NIT2: variants seen among roughly 807,000 people sequenced by gnomAD.
NIT2 encodes the protein nitrilase family member 2, also known as omega-amidase NIT2.
In NIT2, 46 loss-of-function variants were observed where a neutral mutation model predicts 42.7. The observed-to-expected ratio is 1.08, with a 90% CI of 0.85 to 1.38. NIT2 has a LOEUF of 1.38. NIT2 is among the 40% of genes most tolerant of loss of function. NIT2 has a pLI of 0.00. For synonymous variants in NIT2, 123 were observed against 121.9 expected (o/e 1.01, Z -0.06); for missense variants, 309 against 342.5 (o/e 0.90, Z 0.77).
chr3:100,336,803 G>A (rs949426202), intron 1 of NIT2, among the ~76,000 whole-genome samples: 2 of 152,098 alleles, frequency 1.3e-5, no homozygotes, highest in African/African-American at 4.8e-5. Context: ...ACAGATGCCT[G>A]CCTTCCTCTT....
rs767198868 is a variant in NIT2 at position 100,341,106 on chromosome 3, A to AT, written c.282dup (p.Asn95Ter). The AT allele has an allele frequency of 5.0e-6, 8 of 1,613,692 alleles. No individual in the cohort carries two copies. The South Asian group carries it at 8.8e-5, about 18-fold the overall frequency. On this transcript the variant is annotated frameshift_variant, in exon 4 of 10. Transcript: ENST00000394140. LOFTEE classifies it high-confidence loss of function. ...CCTGAAGAGGATGCTGGGAAATTATATAACACCTGTGCTGTGTTTGGGCCT... is the reference window on the plus strand; with the variant it reads ...CCTGAAGAGGATGCTGGGAAATTATATTAACACCTGTGCTGTGTTTGGGCCT...
At chr3:100,355,154 G>A (rs1706314150) in intron 9 of NIT2, 23 bp from the exon 10 acceptor site, 2 of 1,581,942 alleles carry the variant, frequency 1.3e-6, no homozygotes, top group African/African-American at 2.7e-5. Flanking sequence ...ATTATTAATA[G>A]TGCACTTTCC....
In NIT2 at chr3:100,359,128, TAA is replaced by T. The variant is rs1460787592; in HGVS notation, c.*3864_*3865del. 1 of 152,138 alleles carries T rather than the reference TAA, an allele frequency of 6.6e-6. No homozygotes were observed. The highest frequency in any genetic ancestry group is 1.5e-5 in the Non-Finnish European group (1 of 68,016). 9.4% of individuals were successfully genotyped at this position (152,138 alleles called of 1,614,324 possible). ...AAATGGTCTTGTTAAAATCACCAAT[TAA>T]AAAGTTAAGCCCCTGATGTACAAAT... On this transcript the variant is annotated 3_prime_UTR_variant, in exon 10 of 10. Coordinates refer to ENST00000394140, the MANE Select transcript of NIT2 (RefSeq NM_020202.5).
chr3:100,346,982 C>G (rs277648), intron 6 of NIT2, among the ~76,000 whole-genome samples: 112,421 of 152,052 alleles, frequency 0.74, 42,474 homozygotes, highest in East Asian at 0.93. Flanking sequence ...ATCAATAAGC[C>G]TTAGGGCAAC....
At chr3:100,344,451 A>G (rs1238032726) in intron 4 of NIT2, among the ~76,000 whole-genome samples, 1 of 152,254 alleles carries the variant, frequency 6.6e-6, no homozygotes, top group Non-Finnish European at 1.5e-5. Context: ...GCATTGGACT[A>G]TTAACCCAAC....
At position 100,355,174 on chromosome 3, in the gene NIT2, C is replaced by G. The variant is rs755149927; in HGVS notation, c.740-3C>G. The G allele has an allele frequency of 1.2e-6, 2 of 1,612,488 alleles. No individual in the cohort carries two copies. The highest frequency in any genetic ancestry group is 2.2e-5 in the South Asian group (2 of 90,982). ...TAATAGTGCACTTTCCTGTTTTTTGCAGACCTGAAGAAGCTGGCTGAAATA... is the reference window on the plus strand; with the variant it reads ...TAATAGTGCACTTTCCTGTTTTTTGGAGACCTGAAGAAGCTGGCTGAAATA... On this transcript the variant is annotated splice_polypyrimidine_tract_variant and splice_region_variant and intron_variant, in intron 9 of 9. Coordinates refer to ENST00000394140, the MANE Select transcript of NIT2 (RefSeq NM_020202.5).
rs572454895 is a variant in NIT2, at chr3:100,339,468, C to T, written c.126+263C>T. Among the ~76,000 whole-genome samples, 8 of 152,130 alleles carry T rather than the reference C, an allele frequency of 5.3e-5. 1 individual carries two copies. Among genetic ancestry groups the T allele is most frequent in the Non-Finnish European group, 1.0e-4 (7 of 68,022 alleles). On this transcript the variant is annotated intron_variant, in intron 2 of 9. Coordinates refer to ENST00000394140, the MANE Select transcript of NIT2 (RefSeq NM_020202.5). The stretch of plus-strand genomic sequence containing the variant: ...AAATCCTAGTATATTGAGGGACTTA[C>T]GGAAAACTAAAATACTCAGTGCTTG...
At chr3:100,346,707 A>G (rs574156948) in intron 6 of NIT2, among the ~76,000 whole-genome samples, 1 of 152,288 alleles carries the variant, frequency 6.6e-6, no homozygotes, top group Non-Finnish European at 1.5e-5. Flanking sequence ...TTTAATTGGC[A>G]CAGTACTTTG....
chr3:100,351,027 G>C (rs1283048136), intron 7 of NIT2, among the ~76,000 whole-genome samples: 4 of 152,066 alleles, frequency 2.6e-5, no homozygotes, highest in Admixed American at 2.6e-4. Context: ...CCCTACAAAG[G>C]ACATGAACTC....
At chr3:100,342,721 T>TAA (rs1348507494) in intron 4 of NIT2, among the ~76,000 whole-genome samples, 1 of 152,124 alleles carries the variant, frequency 6.6e-6, no homozygotes, top group Non-Finnish European at 1.5e-5. Context: ...ATATATGTTA[T>TAA]AAATCCCACA....
intron 4 of NIT2, among the ~76,000 whole-genome samples, chr3:100,342,513 T>A (rs193262337): frequency 1.3e-3 from 196 of 151,882 alleles, no homozygotes; most frequent in Middle Eastern, 3.4e-3. Flanking sequence ...TAGTTATACA[T>A]CTTAGCTTTT....
chr3:100,340,450 G>C (rs183523560), intron 3 of NIT2, among the ~76,000 whole-genome samples: 1 of 151,932 alleles, frequency 6.6e-6, no homozygotes, highest in African/African-American at 2.4e-5. Context: ...TTATTTTTGT[G>C]GTTTTGGAAT....
intron 6 of NIT2, among the ~76,000 whole-genome samples, chr3:100,348,530 A>C (rs1224784087): frequency 6.6e-6 from 1 of 152,114 alleles, no homozygotes; most frequent in African/African-American, 2.4e-5. Context: ...TTCTCTTGCG[A>C]CCGTCCTGTA....
At chr3:100,348,418 G>T (rs1308504311) in intron 6 of NIT2, among the ~76,000 whole-genome samples, 1 of 152,148 alleles carries the variant, frequency 6.6e-6, no homozygotes, top group Non-Finnish European at 1.5e-5. Flanking sequence ...GAGTCCACTG[G>T]GTCTTAGCCC....
chr3:100,339,115 G>T lies in NIT2; in HGVS notation c.36G>T (p.Gln12His), dbSNP rs553175530. 6.2e-7 allele frequency: 1 copy of T among 1,614,030 alleles called. No individual in the cohort carries two copies. The highest frequency in any genetic ancestry group is 1.1e-5 in the South Asian group (1 of 91,084). Residue 12 changes from glutamine to histidine, a missense_variant, in exon 2 of 10, where the codon CAG becomes CAT. Physicochemically the swap from Gln to His is conservative, Grantham distance 24 (BLOSUM62 0). Coordinates refer to ENST00000394140, the MANE Select transcript of NIT2 (RefSeq NM_020202.5). The stretch of plus-strand genomic sequence containing the variant: ...TCCGCTTGGCCCTCATCCAGCTTCA[G>T]ATTTCTTCCATCAAATCAGATAACG... ...TSFRLALIQL[Q>H]ISSIKSDNVT...
intron 1 of NIT2, among the ~76,000 whole-genome samples, chr3:100,338,173 A>C (rs1158279355): frequency 6.6e-6 from 1 of 152,260 alleles, no homozygotes; most frequent in Admixed American, 6.5e-5. Context: ...TACTACCTCC[A>C]GGAAGAAATA....
At chr3:100,335,839 T>C (rs1037640026) in intron 1 of NIT2, among the ~76,000 whole-genome samples, 2 of 152,184 alleles carry the variant, frequency 1.3e-5, no homozygotes, top group African/African-American at 4.8e-5. Context: ...GGCGACACCT[T>C]GTCTGTACTA....
intron 7 of NIT2, chr3:100,349,261 G>C (rs1477883257): frequency 6.4e-6 from 1 of 156,890 alleles, no homozygotes; most frequent in Admixed American, 6.3e-5. Context: ...CTACAAACAT[G>C]CGCCACCATG....
chr3:100,352,757 T>C (rs1413396045), intron 8 of NIT2, among the ~76,000 whole-genome samples: 17 of 152,342 alleles, frequency 1.1e-4, no homozygotes, highest in Admixed American at 9.8e-4. Flanking sequence ...TGACCTTCAC[T>C]GTCAGTCATA....
Sources: allele counts gnomAD v4.1 joint callset (sites outside exome capture counted in the v4.1 genomes callset), GRCh38; gene constraint gnomAD v4.1.1; transcripts MANE v1.5; gene names NCBI Gene and HGNC (gene_info 2026-07-23, HGNC 2026-07-21).